The following ANKRD31 variants were observed in gnomAD, a reference collection of about 807,000 sequenced individuals.
ANKRD31 encodes ankyrin repeat domain-containing protein 31.
In ANKRD31, 147 loss-of-function variants were observed where a neutral mutation model predicts 186.0. That is an observed-to-expected ratio of 0.79 (90% CI 0.69 to 0.91). The LOEUF (loss-of-function observed/expected upper bound fraction) is 0.91, where lower values mean the gene tolerates loss of function less well. Among genes scored for constraint, ANKRD31 ranks in the 40% least tolerant of loss-of-function variants. ANKRD31 has a pLI of 0.00. For synonymous variants in ANKRD31, 673 were observed against 736.4 expected (o/e 0.91, Z 1.39); for missense variants, 1,986 against 2,148.8 (o/e 0.92, Z 1.50).
chr5:75,082,227 G>A (rs143149688), intron 24 of ANKRD31, among the ~76,000 whole-genome samples: 150 of 152,304 alleles, frequency 9.8e-4, no homozygotes, highest in African/African-American at 3.5e-3. Flanking sequence ...AGGATCCTGA[G>A]AAATTAGGGT....
chr5:75,180,749 CT>C, intron 10 of ANKRD31, among the ~76,000 whole-genome samples: 1 of 152,254 alleles, frequency 6.6e-6, no homozygotes, highest in East Asian at 1.9e-4. Context: ...GGATTGAAGA[CT>C]TACATGTTAG....
intron 25 of ANKRD31, among the ~76,000 whole-genome samples, chr5:75,077,100 T>A (rs1245575892): frequency 6.6e-6 from 1 of 152,190 alleles, no homozygotes; most frequent in Non-Finnish European, 1.5e-5. Flanking sequence ...TAATTTTTTG[T>A]TGTTTTTACC....
chr5:75,131,424 T>A (rs1334456170), intron 17 of ANKRD31, among the ~76,000 whole-genome samples: 1 of 152,066 alleles, frequency 6.6e-6, no homozygotes, highest in Non-Finnish European at 1.5e-5. Context: ...AGCACAGCAG[T>A]CTGAGATCAA....
intron 23 of ANKRD31, among the ~76,000 whole-genome samples, chr5:75,090,346 A>T (rs561601559): frequency 5.1e-4 from 78 of 152,302 alleles, no homozygotes; most frequent in African/African-American, 1.6e-3. Flanking sequence ...AAACAGTGCT[A>T]GATACACTTG....
chr5:75,180,612 T>A (rs929394600), intron 10 of ANKRD31, among the ~76,000 whole-genome samples: 5 of 152,188 alleles, frequency 3.3e-5, no homozygotes, highest in African/African-American at 9.6e-5. Flanking sequence ...TTGACAAACC[T>A]GACAAAAATA....
intron 11 of ANKRD31, among the ~76,000 whole-genome samples, chr5:75,161,702 T>A (rs1055165140): frequency 6.6e-6 from 1 of 152,168 alleles, no homozygotes; most frequent in East Asian, 1.9e-4. Context: ...AATGGTTTCA[T>A]GGGCCCGGGC....
chr5:75,206,368 C>T, intron 5 of ANKRD31, 43 bp downstream of exon 5: 1 of 1,201,138 alleles, frequency 8.3e-7, no homozygotes, highest in Middle Eastern at 2.6e-4. Context: ...TATTTTTAGG[C>T]AAAGACTAAT....
At chr5:75,140,060 C>T (rs750498840) in intron 15 of ANKRD31, among the ~76,000 whole-genome samples, 15 of 151,764 alleles carry the variant, frequency 9.9e-5, no homozygotes, top group South Asian at 2.1e-4. Context: ...AAAACTTAGC[C>T]GGGCATGGTG....
At chr5:75,178,246 G>A (rs184024455) in intron 10 of ANKRD31, among the ~76,000 whole-genome samples, 8 of 152,274 alleles carry the variant, frequency 5.3e-5, no homozygotes, top group African/African-American at 1.9e-4. Context: ...ATTCCTTAGT[G>A]ACCTACAAAG....
chr5:75,234,237 G>A (rs1287928883), intron 1 of ANKRD31, among the ~76,000 whole-genome samples: 2 of 152,178 alleles, frequency 1.3e-5, no homozygotes, highest in African/African-American at 2.4e-5. Flanking sequence ...TAGAAAGCTG[G>A]AAGAAAATAT....
chr5:75,177,788 T>G (rs1291987080), intron 10 of ANKRD31, among the ~76,000 whole-genome samples: 1 of 152,106 alleles, frequency 6.6e-6, no homozygotes, highest in Non-Finnish European at 1.5e-5. Flanking sequence ...CATGCCAAAT[T>G]GTAAAGACCG....
At position 75,233,541 on chromosome 5, in the gene ANKRD31, CTTAA is replaced by C. The variant is rs763475787; in HGVS notation, c.105-2910_105-2907del. On this transcript the variant is annotated intron_variant, in intron 1 of 25. Transcript: ENST00000506364. ...GCAGAATTTCTGCCCCTACTAAAAT[CTTAA>C]TTAAAAATAAAAAACTAATATAAAT... 7.9e-5 allele frequency among the ~76,000 whole-genome samples: 12 copies of C among 152,102 alleles called. No homozygotes were observed. The East Asian group carries it at 2.1e-3, about 27-fold the overall frequency.
intron 4 of ANKRD31, among the ~76,000 whole-genome samples, chr5:75,208,480 A>C (rs888623226): frequency 2.6e-5 from 4 of 152,006 alleles, no homozygotes; most frequent in Admixed American, 6.6e-5. Flanking sequence ...TCTCTCCAGA[A>C]TTTCCTTATC....
chr5:75,092,147 C>T (rs1350808159), intron 22 of ANKRD31, among the ~76,000 whole-genome samples: 4 of 152,214 alleles, frequency 2.6e-5, no homozygotes, highest in Admixed American at 2.0e-4. Flanking sequence ...CCCGAAGGAA[C>T]TAACTTCATT....
At chr5:75,177,482 AG>A (rs779633766) in intron 10 of ANKRD31, among the ~76,000 whole-genome samples, 2 of 152,222 alleles carry the variant, frequency 1.3e-5, no homozygotes, top group Non-Finnish European at 1.5e-5. Context: ...GCAGCCACAG[AG>A]AAAGGTCGAG....
At chr5:75,101,293 T>A (rs867667528) in intron 22 of ANKRD31, among the ~76,000 whole-genome samples, 6 of 152,334 alleles carry the variant, frequency 3.9e-5, no homozygotes, top group Middle Eastern at 6.8e-3. Flanking sequence ...CCAAGAGATC[T>A]GCTGTTAGTC....
intron 4 of ANKRD31, among the ~76,000 whole-genome samples, chr5:75,209,153 C>T (rs1173586766): frequency 1.3e-5 from 2 of 152,120 alleles, no homozygotes; most frequent in South Asian, 2.1e-4. Context: ...CATTAAAACT[C>T]ATAGTCTATC....
intron 11 of ANKRD31, among the ~76,000 whole-genome samples, chr5:75,163,799 C>A (rs1752736508): frequency 6.6e-6 from 1 of 152,114 alleles, no homozygotes; most frequent in African/African-American, 2.4e-5. Context: ...AAGTGTATTT[C>A]CTTAAGGGGC....
At chr5:75,149,425 T>C (rs1233420348) in intron 12 of ANKRD31, among the ~76,000 whole-genome samples, 1 of 151,972 alleles carries the variant, frequency 6.6e-6, no homozygotes, top group Non-Finnish European at 1.5e-5. Flanking sequence ...ATTTAATTTA[T>C]TTCTTGGGGA....
Sources: gnomAD v4.1 joint callset for allele counts (sites outside exome capture counted in the v4.1 genomes callset) on GRCh38, gnomAD v4.1.1 for gene constraint, MANE v1.5 for transcripts, NCBI Gene and HGNC (gene_info 2026-07-23, HGNC 2026-07-21) for gene names.